DISP1: variants seen among roughly 807,000 people sequenced by gnomAD.
DISP1 encodes the protein protein dispatched homolog 1.
A neutral mutation model predicts 37.3 loss-of-function variants in DISP1; 30 were observed. The ratio of observed to expected loss-of-function variants is 0.80; its 90% CI spans 0.60 to 1.09. The LOEUF (loss-of-function observed/expected upper bound fraction) is 1.09. Among genes scored for constraint, DISP1 ranks in the 50% least tolerant of loss-of-function variants. DISP1 has a pLI of 0.00. For missense variants in DISP1, 1,598 were observed against 1,879.5 expected (o/e 0.85, Z 2.77); for synonymous variants, 634 against 690.2 (o/e 0.92, Z 1.28).
At chr1:222,936,844 A>AAT (rs1491054436) in intron 2 of DISP1, among the ~76,000 whole-genome samples, 56 of 55,854 alleles carry the variant, frequency 1.0e-3, no homozygotes, top group South Asian at 4.4e-3. Flanking sequence ...TATATATATC[A>AAT]TATATATGAT....
intron 5 of DISP1, 21 bp downstream of exon 5, chr1:222,990,769 C>A (rs200132950): frequency 1.2e-6 from 2 of 1,613,424 alleles, no homozygotes; most frequent in East Asian, 4.5e-5. Context: ...TTTATGTTTT[C>A]TTTAGCCTAA....
intron 1 of DISP1, among the ~76,000 whole-genome samples, chr1:222,890,876 C>G (rs1424770332): frequency 1.3e-5 from 2 of 152,052 alleles, no homozygotes; most frequent in African/African-American, 4.8e-5. Flanking sequence ...ATTGTGTTCT[C>G]CCCATGTGCT....
Position 223,005,064 on chromosome 1 carries a change from C to A in DISP1, c.3667C>A (p.Gln1223Lys). The change falls in exon 9 of 9, where the codon CAA becomes AAA. Residue 1223 changes from glutamine to lysine, a missense_variant. Coordinates refer to ENST00000675850, the MANE Select transcript of DISP1 (RefSeq NM_001377229.1). ...THICSEFFNSQAKNLGMPVHA... is the reference protein window; with the variant it reads ...THICSEFFNSKAKNLGMPVHA... ...CATCTGCTCTGAATTTTTCAACAGC[C>A]AAGCAAAGAATTTAGGGATGCCTGT... 1 of 1,614,166 alleles carries A rather than the reference C, an allele frequency of 6.2e-7. No individual in the cohort carries two copies. The highest frequency in any genetic ancestry group is 2.2e-5 in the East Asian group (1 of 44,880).
intron 1 of DISP1, chr1:222,827,573 C>T (rs1289010348): frequency 1.3e-5 from 2 of 152,070 alleles, no homozygotes; most frequent in African/African-American, 4.8e-5. Context: ...GTATTACATG[C>T]TCATTCTTTG....
chr1:222,883,016 A>T (rs1021175764), intron 1 of DISP1, among the ~76,000 whole-genome samples: 10 of 152,218 alleles, frequency 6.6e-5, no homozygotes, highest in African/African-American at 2.4e-4. Context: ...AACTTATGAG[A>T]TAGTACTAGT....
At position 222,942,808 on chromosome 1, in the gene DISP1, G is replaced by A; in HGVS notation, c.-16G>A. 6.2e-7 allele frequency: 1 copy of A among 1,614,104 alleles called. No individual in the cohort carries two copies. On this transcript the variant is annotated splice_region_variant and 5_prime_UTR_variant, in exon 3 of 9. Transcript: ENST00000675850. ...CGATTTTATGATTTTCTTACTTAGA[G>A]TCAAGAAATTGGAGCATGGCTATGA...
chr1:222,993,550 C>T (rs1678850521), intron 7 of DISP1, among the ~76,000 whole-genome samples: 1 of 152,142 alleles, frequency 6.6e-6, no homozygotes, highest in African/African-American at 2.4e-5. Flanking sequence ...TGATCACTTA[C>T]TCTGTATAGT....
intron 3 of DISP1, among the ~76,000 whole-genome samples, chr1:222,968,283 A>G (rs1338773542): frequency 6.6e-6 from 1 of 152,144 alleles, no homozygotes. Flanking sequence ...TCAGGAAATG[A>G]GGAATCAGAA....
Position 222,887,241 on chromosome 1 carries a change from C to A in DISP1, c.-158-41189C>A, listed in dbSNP as rs529908331. Among the ~76,000 whole-genome samples the A allele has an allele frequency of 2.0e-4, 30 of 152,240 alleles. 2 individuals are homozygous for A. The South Asian group carries it at 4.3e-3, about 22-fold the overall frequency. ...TTAAAATGTTGCTTGTTAAGGCAGG[C>A]ACATTTTTAAAATACTTGTTTGAAT... On this transcript the variant is annotated intron_variant, in intron 1 of 8. Transcript: ENST00000675850.
chr1:222,936,735 A>T (rs1406848990), intron 2 of DISP1, among the ~76,000 whole-genome samples: 11 of 97,336 alleles, frequency 1.1e-4, no homozygotes, highest in African/African-American at 4.4e-4. Context: ...ATGATATATA[A>T]AAATTATATA....
At chr1:222,936,807 T>TG (rs1354811747) in intron 2 of DISP1, among the ~76,000 whole-genome samples, 1 of 48,150 alleles carries the variant, frequency 2.1e-5, no homozygotes, top group Non-Finnish European at 3.8e-5. Flanking sequence ...ATATTATATA[T>TG]ATAAATTATA....
Position 222,922,479 on chromosome 1 carries a change from G to A in DISP1, c.-158-5951G>A, listed in dbSNP as rs560439630. On this transcript the variant is annotated intron_variant, in intron 1 of 8. Transcript: ENST00000675850. ...ATGAATGAACAAGGGTATACAGGGT[G>A]TAAAGGTCAAAGATGACTCCTGCCC... Among the ~76,000 whole-genome samples, 40 of 152,278 alleles carry A rather than the reference G, an allele frequency of 2.6e-4. 1 individual carries two copies. In the East Asian group the frequency reaches 6.9e-3, roughly 26 times the overall value.
chr1:222,940,145 A>T (rs2609387), intron 2 of DISP1, among the ~76,000 whole-genome samples: 39,208 of 151,562 alleles, frequency 0.26, 5,304 homozygotes, highest in South Asian at 0.47. Flanking sequence ...AAGAAAAGAA[A>T]AAAAAATAAC....
At chr1:222,936,739 T>TTATA (rs36159589) in intron 2 of DISP1, among the ~76,000 whole-genome samples, 1 of 83,294 alleles carries the variant, frequency 1.2e-5, no homozygotes, top group Non-Finnish European at 2.1e-5. Context: ...TATATAAAAA[T>TTATA]TATATATCAT....
At chr1:222,844,728 T>A (rs772767733) in intron 1 of DISP1, among the ~76,000 whole-genome samples, 1 of 152,148 alleles carries the variant, frequency 6.6e-6, no homozygotes, top group African/African-American at 2.4e-5. Context: ...AAAAATGCGT[T>A]ATGCAGCATT....
At chr1:222,890,589 A>G (rs182996036) in intron 1 of DISP1, among the ~76,000 whole-genome samples, 1 of 152,300 alleles carries the variant, frequency 6.6e-6, no homozygotes, top group East Asian at 1.9e-4. Context: ...GGAAGAAGTA[A>G]CATTTGAGCT....
intron 3 of DISP1, among the ~76,000 whole-genome samples, chr1:222,980,434 T>TGA (rs2102688321): frequency 6.6e-6 from 1 of 151,920 alleles, no homozygotes; most frequent in East Asian, 1.9e-4. Context: ...TGTGTGTGTG[T>TGA]GTGTGTATAA....
intron 1 of DISP1, among the ~76,000 whole-genome samples, chr1:222,920,374 C>T (rs1672746878): frequency 6.6e-6 from 1 of 152,094 alleles, no homozygotes; most frequent in Admixed American, 6.5e-5. Flanking sequence ...CTCCAGAGCC[C>T]ATGGATTTAT....
chr1:222,898,681 C>A (rs555357980), intron 1 of DISP1, among the ~76,000 whole-genome samples: 144 of 152,074 alleles, frequency 9.5e-4, no homozygotes, highest in African/African-American at 3.3e-3. Context: ...TAAAAGATGC[C>A]TAATGGTTTA....
Sources: allele counts gnomAD v4.1 joint callset (sites outside exome capture counted in the v4.1 genomes callset), GRCh38; gene constraint gnomAD v4.1.1; transcripts MANE v1.5; gene names NCBI Gene and HGNC (gene_info 2026-07-23, HGNC 2026-07-21).